Variants in NTM observed in about 807,000 individuals in gnomAD.
The protein encoded by NTM is neurotrimin.
NTM carries 13 observed loss-of-function variants against 42.1 expected under a neutral mutation model. The observed-to-expected ratio is 0.31, with a 90% confidence interval of 0.20 to 0.49. The LOEUF (loss-of-function observed/expected upper bound fraction) is 0.49, where lower values mean the gene tolerates loss of function less well. Ranked by LOEUF, NTM falls within the 20% of genes least tolerant of loss-of-function variation. The pLI is 0.99. For missense variants in NTM, 373 were observed against 452.8 expected, an observed-to-expected ratio of 0.82 and a Z score of 1.60; for synonymous variants, 187 against 179.2, an observed-to-expected ratio of 1.04 and a Z score of -0.35.
intron 1 of NTM, among the ~76,000 whole-genome samples, chr11:131,705,510 C>T (rs1212235810): frequency 6.6e-6 from 1 of 151,950 alleles, no homozygotes; most frequent in Non-Finnish European, 1.5e-5. Context: ...AGGAGACTAA[C>T]AATATAAATG....
At chr11:131,889,078 T>A (rs950194502) in intron 1 of NTM, among the ~76,000 whole-genome samples, 1 of 152,132 alleles carries the variant, frequency 6.6e-6, no homozygotes, top group African/African-American at 2.4e-5. Flanking sequence ...TTTTAGGAAG[T>A]GTTGGTAATT....
chr11:131,997,190 A>T (rs1238505475), intron 2 of NTM, among the ~76,000 whole-genome samples: 1 of 152,064 alleles, frequency 6.6e-6, no homozygotes, highest in Admixed American at 6.5e-5. Context: ...TGGGTTCTGT[A>T]TGTAGGGGCT....
intron 1 of NTM, among the ~76,000 whole-genome samples, chr11:131,411,109 C>T (rs1294935768): frequency 6.6e-6 from 1 of 152,182 alleles, no homozygotes; most frequent in African/African-American, 2.4e-5. Flanking sequence ...TGGCAAATCC[C>T]TCCTCGATCA....
chr11:131,737,086 T>C (rs1049903425), intron 1 of NTM, among the ~76,000 whole-genome samples: 13 of 152,126 alleles, frequency 8.5e-5, no homozygotes, highest in African/African-American at 3.1e-4. Context: ...TGTCAAGCTG[T>C]CAGGCTAATG....
intron 1 of NTM, among the ~76,000 whole-genome samples, chr11:131,553,815 T>A (rs73580247): frequency 0.079 from 12,046 of 152,216 alleles, 662 homozygotes; most frequent in African/African-American, 0.15. Context: ...CATTTCCCCA[T>A]CACCTGTAAA....
chr11:131,728,767 GAAAGAGGGGTAGGGCTGAACGTCCC>G (rs1251069831), intron 1 of NTM, among the ~76,000 whole-genome samples: 1 of 150,578 alleles, frequency 6.6e-6, no homozygotes, highest in East Asian at 1.9e-4. Context: ...CCTTCCCAGA[GAAAGAGGGGTAGGGCTGAACGTCCC>G]AACTCTTTCA....
At chr11:131,769,671 G>A (rs754313430) in intron 1 of NTM, 76 of 652,874 alleles carry the variant, frequency 1.2e-4, no homozygotes, top group African/African-American at 1.0e-3. Flanking sequence ...CGAGGCAACC[G>A]GGAGATTCAG....
chr11:132,054,208 G>C (rs2079266548), intron 2 of NTM, among the ~76,000 whole-genome samples: 1 of 152,186 alleles, frequency 6.6e-6, no homozygotes. Context: ...GAGTGAGACT[G>C]TCTCAAAGAA....
intron 1 of NTM, among the ~76,000 whole-genome samples, chr11:131,654,083 C>G (rs770340848): frequency 6.6e-6 from 1 of 152,132 alleles, no homozygotes; most frequent in Non-Finnish European, 1.5e-5. Context: ...AGGACTGTAA[C>G]CGGTGATGGT....
At chr11:132,275,990 T>C (rs1407831759) in intron 4 of NTM, among the ~76,000 whole-genome samples, 2 of 151,962 alleles carry the variant, frequency 1.3e-5, no homozygotes, top group African/African-American at 2.4e-5. Flanking sequence ...CATCCTCGCC[T>C]CCTGCTTCTC....
intron 2 of NTM, among the ~76,000 whole-genome samples, chr11:132,109,371 A>T (rs1462775624): frequency 6.6e-6 from 1 of 152,056 alleles, no homozygotes; most frequent in East Asian, 1.9e-4. Context: ...CCCTTCCACC[A>T]TGTGAGGACA....
At position 131,789,738 on chromosome 11, in the gene NTM, C is replaced by T. The variant is rs538155341; in HGVS notation, c.83-121826C>T. ...TTGGGAGGTGGAGGCAGGCGGATCA[C>T]GAGGTCAGGAGATCAAGACCATCCT... On this transcript the variant is annotated intron_variant, in intron 1 of 8. Transcript: ENST00000683400. 3.0e-3 allele frequency among the ~76,000 whole-genome samples: 446 copies of T among 151,150 alleles called. 2 individuals carry two copies. Among genetic ancestry groups the T allele is most frequent in the African/African-American group, 0.01 (415 of 41,360 alleles).
chr11:132,260,651 A>T (rs1412734517), intron 4 of NTM, among the ~76,000 whole-genome samples: 1 of 152,250 alleles, frequency 6.6e-6, no homozygotes, highest in Non-Finnish European at 1.5e-5. Context: ...ACTAGACTAT[A>T]AAATATTTCA....
intron 4 of NTM, among the ~76,000 whole-genome samples, chr11:132,251,568 G>A (rs1405516471): frequency 6.6e-6 from 1 of 152,178 alleles, no homozygotes; most frequent in African/African-American, 2.4e-5. Flanking sequence ...GAAAGGGCAA[G>A]GCATGTGGAA....
chr11:131,976,236 G>A (rs112653610), intron 2 of NTM, among the ~76,000 whole-genome samples: 5 of 151,692 alleles, frequency 3.3e-5, no homozygotes, highest in Admixed American at 1.3e-4. Flanking sequence ...AAGTCCAAGC[G>A]ATGAAAAGAG....
intron 1 of NTM, among the ~76,000 whole-genome samples, chr11:131,792,829 G>C (rs1017377082): frequency 2.0e-5 from 3 of 152,212 alleles, no homozygotes; most frequent in Non-Finnish European, 4.4e-5. Flanking sequence ...CTTTAAAAAG[G>C]TTTGTTTTCT....
intron 1 of NTM, chr11:131,671,306 T>C (rs1223212028): frequency 4.7e-6 from 2 of 426,082 alleles, no homozygotes; most frequent in African/African-American, 4.3e-5. Context: ...TGGGGCGCTA[T>C]CTGGCGTCTA....
intron 1 of NTM, chr11:131,911,147 A>C: frequency 7.9e-7 from 1 of 1,273,710 alleles, no homozygotes; most frequent in Non-Finnish European, 1.0e-6. Flanking sequence ...GCCGCTGGGA[A>C]GAAGCGGCTC....
chr11:131,884,961 A>G (rs2050152426), intron 1 of NTM, among the ~76,000 whole-genome samples: 1 of 152,206 alleles, frequency 6.6e-6, no homozygotes, highest in Non-Finnish European at 1.5e-5. Context: ...TAGCTGAGGC[A>G]CAGAACTTTG....
Sources: allele counts gnomAD v4.1 joint callset (sites outside exome capture counted in the v4.1 genomes callset), GRCh38; gene constraint gnomAD v4.1.1; transcripts MANE v1.5; gene names NCBI Gene and HGNC (gene_info 2026-07-23, HGNC 2026-07-21).